KMT2E: variants seen among roughly 807,000 people sequenced by gnomAD.
The protein encoded by KMT2E is lysine methyltransferase 2E (inactive).
In KMT2E, 30 loss-of-function variants were observed where a neutral mutation model predicts 184.6. That is an observed-to-expected ratio of 0.16 (90% CI 0.12 to 0.22). KMT2E has a LOEUF of 0.22. KMT2E is among the 10% of genes least tolerant of loss of function. The pLI is 1.00. For missense variants in KMT2E, 2,023 were observed against 2,237.4 expected, an observed-to-expected ratio of 0.90 and a Z score of 1.93; for synonymous variants, 815 against 776.5, an observed-to-expected ratio of 1.05 and a Z score of -0.82.
In KMT2E at chr7:105,106,782, T is replaced by A. The variant is rs761247514; in HGVS notation, c.2847+10T>A. ...TACCATGCACTTTGAGGTGAGAAAT[T>A]TTAATGGAGAAAAAAAAATTCAACA... On this transcript the variant is annotated intron_variant, in intron 20 of 26. Coordinates refer to ENST00000311117, the MANE Select transcript of KMT2E (RefSeq NM_182931.3). 5.4e-5 allele frequency: 87 copies of A among 1,606,736 alleles called. 2 individuals are homozygous for A. The South Asian group carries it at 9.1e-4, about 17-fold the overall frequency.
intron 3 of KMT2E, among the ~76,000 whole-genome samples, chr7:105,042,900 G>A (rs1385223882): frequency 6.6e-6 from 1 of 152,112 alleles, no homozygotes; most frequent in Non-Finnish European, 1.5e-5. Flanking sequence ...TTCATGTTAT[G>A]CCTTCAATAA....
At chr7:105,017,454 A>T (rs1375361081) in intron 1 of KMT2E, among the ~76,000 whole-genome samples, 136 of 102,268 alleles carry the variant, frequency 1.3e-3, no homozygotes, top group East Asian at 2.1e-3. Flanking sequence ...TTGATGTTTT[A>T]GTTCCTGTAA....
Position 105,112,595 on chromosome 7 carries a change from G to T in KMT2E, c.4839G>T (p.Gln1613His), listed in dbSNP as rs1272066610. Residue 1613 changes from glutamine (Q) to histidine (H), a missense_variant, in exon 27 of 27, where the codon CAG (glutamine) becomes CAT (histidine). Gln to His is a conservative substitution (Grantham distance 24, BLOSUM62 0). Coordinates refer to ENST00000311117, the MANE Select transcript of KMT2E (RefSeq NM_182931.3). ...HVTPGHFLPS[Q>H]NPTIHHQTAA... ...CTCCAGGGCATTTTTTGCCCTCTCA[G>T]AACCCTACCATTCACCATCAAACTG... 6.2e-7 allele frequency: 1 copy of T among 1,613,810 alleles called. No individual in the cohort carries two copies. Among genetic ancestry groups the T allele is most frequent in the African/African-American group, 1.3e-5 (1 of 74,856 alleles).
chr7:105,067,071 A>AT (rs1797057971), intron 6 of KMT2E, among the ~76,000 whole-genome samples: 1 of 148,762 alleles, frequency 6.7e-6, no homozygotes, highest in Non-Finnish European at 1.5e-5. Flanking sequence ...TTTTTTAAAA[A>AT]AAAAAAAAAA....
intron 13 of KMT2E, among the ~76,000 whole-genome samples, chr7:105,087,924 C>G (rs994307664): frequency 1.4e-5 from 2 of 143,758 alleles, no homozygotes; most frequent in African/African-American, 5.2e-5. Context: ...TATTTTTAAA[C>G]TTTGTGTGAT....
In KMT2E at chr7:105,041,050, CAAAAA is replaced by C. The variant is rs58676744; in HGVS notation, c.71+39_71+43del. The stretch of plus-strand genomic sequence containing the variant: ...TAAGTATTTAAATTGGTTACATAAG[CAAAAA>C]AAAAAAAAAAACCCTTCTGGAGCTA... On this transcript the variant is annotated intron_variant, in intron 3 of 26. Transcript: ENST00000311117. 7.4e-5 allele frequency: 50 copies of C among 671,360 alleles called. No individual in the cohort carries two copies. The South Asian group carries it at 7.8e-4, about 11-fold the overall frequency. The allele number at this position is 671,360 out of a possible 1,614,324, so 41.6% of individuals were successfully genotyped here. A position where few individuals can be genotyped will look rare whatever the true frequency, so the allele number is the denominator to read the frequency against.
chr7:105,025,124 T>C (rs1795121889), intron 1 of KMT2E, among the ~76,000 whole-genome samples: 1 of 152,158 alleles, frequency 6.6e-6, no homozygotes, highest in South Asian at 2.1e-4. Flanking sequence ...AAGTAACATA[T>C]GTTTATTAAA....
chr7:105,016,936 C>T (rs377049546), intron 1 of KMT2E, among the ~76,000 whole-genome samples: 1 of 152,178 alleles, frequency 6.6e-6, no homozygotes, highest in Non-Finnish European at 1.5e-5. Context: ...ACTGAGCACA[C>T]AACCTTACTT....
At chr7:105,065,823 G>A (rs1459363281) in intron 5 of KMT2E, among the ~76,000 whole-genome samples, 1 of 152,136 alleles carries the variant, frequency 6.6e-6, no homozygotes, top group Non-Finnish European at 1.5e-5. Flanking sequence ...ATTAGAAGTA[G>A]TTTATTCTTA....
In KMT2E at chr7:105,031,480, G is replaced by A. The variant is rs145643659; in HGVS notation, c.-188-6646G>A. Among the ~76,000 whole-genome samples, 245 of 151,964 alleles carry A rather than the reference G, an allele frequency of 1.6e-3. 1 individual carries two copies. The highest frequency in any genetic ancestry group is 5.6e-3 in the African/African-American group (230 of 41,432). Reference sequence around the variant, plus strand: ...TTAATGGCTGAAAAAGGTGAGGCACGGTGGCTCATGCCTGTAATCCCATCA... The same window carrying A: ...TTAATGGCTGAAAAAGGTGAGGCACAGTGGCTCATGCCTGTAATCCCATCA... On this transcript the variant is annotated intron_variant, in intron 1 of 26. Transcript: ENST00000311117.
At chr7:105,105,784 T>G in intron 18 of KMT2E, 75 bp from the exon 19 acceptor site, 1 of 1,561,498 alleles carries the variant, frequency 6.4e-7, no homozygotes. Context: ...GCTTTTGGAA[T>G]CGGCTCTGTA....
intron 1 of KMT2E, among the ~76,000 whole-genome samples, chr7:105,021,137 A>G (rs1161415916): frequency 1.3e-5 from 2 of 152,222 alleles, no homozygotes; most frequent in Admixed American, 6.5e-5. Flanking sequence ...TCATGATGTG[A>G]CTAATTTGAA....
intron 1 of KMT2E, among the ~76,000 whole-genome samples, chr7:105,016,133 A>G (rs771811510): frequency 3.9e-5 from 6 of 151,912 alleles, no homozygotes; most frequent in Admixed American, 1.3e-4. Context: ...TTTCCCAACC[A>G]CCTCTTGACC....
chr7:105,090,113 G>A lies in KMT2E; in HGVS notation c.1463G>A (p.Arg488Lys). 2 of 1,613,230 alleles carry A rather than the reference G, an allele frequency of 1.2e-6. No individual in the cohort carries two copies. Among genetic ancestry groups the A allele is most frequent in the African/African-American group, 2.7e-5 (2 of 74,866 alleles). ...MENINSGYET[R>K]RKKGKKDKDI... is the part of the protein sequence containing the mutation. ...AATATCAATAGTGGTTATGAGACCA[G>A]ACGGAAAAAAGGAAAAAAAGACAAA... The change falls in exon 14 of 27, where the codon AGA becomes AAA. Residue 488 changes from arginine to lysine, a missense_variant. This residue lies in a region of KMT2E where 514 missense variants were observed against 621.8 expected (regional missense o/e 0.83). Transcript: ENST00000311117.
chr7:105,111,154 T>C (rs1224442777), intron 26 of KMT2E: 1 of 312,112 alleles, frequency 3.2e-6, no homozygotes, highest in African/African-American at 2.2e-5. Context: ...AGGAAATTCA[T>C]AGCCTTGTCA....
chr7:105,047,253 T>A (rs957522743), intron 3 of KMT2E, among the ~76,000 whole-genome samples: 2 of 152,244 alleles, frequency 1.3e-5, no homozygotes, highest in African/African-American at 4.8e-5. Flanking sequence ...AGAAAATAAG[T>A]ATACAACATA....
chr7:105,074,830 GT>G lies in KMT2E; in HGVS notation c.729+20del. ...AATGTAAAAAGGTACGTTTTTGCTT[GT>G]TTTTAGGTGAGTGGATAGGATAGCG... On this transcript the variant is annotated intron_variant, in intron 8 of 26. Coordinates refer to ENST00000311117, the MANE Select transcript of KMT2E (RefSeq NM_182931.3). 1.9e-6 allele frequency: 3 copies of G among 1,584,118 alleles called. No individual in the cohort carries two copies. The highest frequency in any genetic ancestry group is 2.6e-6 in the Non-Finnish European group (3 of 1,165,454).
Position 105,106,556 on chromosome 7 carries a change from T to C in KMT2E, c.2631T>C (p.Tyr877=), listed in dbSNP as rs200933164. The change falls in exon 20 of 27, where the codon TAT becomes TAC. Residue 877 remains tyrosine, a synonymous_variant. Transcript: ENST00000311117. ...LTTPLKKRRF[Y]QLLDSVYSET... ...CACCACTAAAAAAACGAAGATTTTATCAGTTGCTAGATTCGGTTTACTCAG... is the reference window on the plus strand; with the variant it reads ...CACCACTAAAAAAACGAAGATTTTACCAGTTGCTAGATTCGGTTTACTCAG... The C allele has an allele frequency of 5.5e-5, 88 of 1,612,336 alleles. No homozygotes were observed. The highest frequency in any genetic ancestry group is 7.0e-5 in the Non-Finnish European group (83 of 1,178,318).
intron 1 of KMT2E, among the ~76,000 whole-genome samples, chr7:105,030,650 T>C (rs1795369584): frequency 6.6e-6 from 1 of 152,182 alleles, no homozygotes; most frequent in Non-Finnish European, 1.5e-5. Flanking sequence ...GAATGCCCTT[T>C]TAGTTTTTTG....
Sources: gnomAD v4.1 joint callset for allele counts (sites outside exome capture counted in the v4.1 genomes callset) on GRCh38, gnomAD v4.1.1 for gene constraint, gnomAD v4.1.1 regional missense constraint, MANE v1.5 for transcripts, NCBI Gene and HGNC (gene_info 2026-07-23, HGNC 2026-07-21) for gene names.